Variants in DPY19L4 observed in about 807,000 individuals in gnomAD.
DPY19L4 encodes the protein probable C-mannosyltransferase DPY19L4.
In DPY19L4, 97 loss-of-function variants were observed where a neutral mutation model predicts 102.8. That is an observed-to-expected ratio of 0.94 (90% CI 0.80 to 1.12). DPY19L4 has a LOEUF of 1.12. DPY19L4 is among the 50% of genes most tolerant of loss of function. DPY19L4 has a pLI of 0.00. For synonymous variants in DPY19L4, 252 were observed against 283.1 expected (o/e 0.89, Z 1.10); for missense variants, 815 against 850.4 (o/e 0.96, Z 0.52).
chr8:94,756,659 C>CATTGTT (rs1395503562), intron 7 of DPY19L4, among the ~76,000 whole-genome samples: 1 of 152,152 alleles, frequency 6.6e-6, no homozygotes, highest in African/African-American at 2.4e-5. Context: ...TAGATTCTTA[C>CATTGTT]ATTGTTATTG....
intron 14 of DPY19L4, among the ~76,000 whole-genome samples, chr8:94,779,573 C>T (rs1036262872): frequency 6.6e-5 from 10 of 152,036 alleles, no homozygotes; most frequent in Non-Finnish European, 1.2e-4. Context: ...AAGCAATCCT[C>T]CCACCTTGGC....
At chr8:94,739,854 A>T in intron 6 of DPY19L4, 64 bp downstream of exon 6, 1 of 1,565,710 alleles carries the variant, frequency 6.4e-7, no homozygotes, top group Admixed American at 1.8e-5. Context: ...AGAGTTCTGA[A>T]AATGCCTCCC....
chr8:94,726,774 C>T (rs1407475847), intron 2 of DPY19L4, among the ~76,000 whole-genome samples: 1 of 152,162 alleles, frequency 6.6e-6, no homozygotes, highest in Non-Finnish European at 1.5e-5. Context: ...CACACTATCA[C>T]TTGTACGCAC....
Position 94,768,478 on chromosome 8 carries a change from C to A in DPY19L4, c.1259C>A (p.Ser420Tyr). ...TTTTTTCTGCGATTGACACAGTCTT[C>A]TTTATTACCTTTCTACATTCTAGTG... ...QDFFLRLTQS[S>Y]LLPFYILVLI... Residue 420 changes from serine to tyrosine, a missense_variant, in exon 12 of 19, where the codon TCT becomes TAT. Coordinates refer to ENST00000414645, the MANE Select transcript of DPY19L4 (RefSeq NM_181787.3). 6.3e-7 allele frequency: 1 copy of A among 1,598,630 alleles called. No homozygotes were observed. Among genetic ancestry groups the A allele is most frequent in the Non-Finnish European group, 8.6e-7 (1 of 1,169,060 alleles).
Position 94,768,409 on chromosome 8 carries a change from A to C in DPY19L4, c.1190A>C (p.Asn397Thr), listed in dbSNP as rs1399777947. 6.3e-7 allele frequency: 1 copy of C among 1,596,904 alleles called. No homozygotes were observed. Among genetic ancestry groups the C allele is most frequent in the Non-Finnish European group, 8.5e-7 (1 of 1,175,576 alleles). Reference sequence around the variant, plus strand: ...GTCTTCTATAGGAATTTTACAATGAATTGGCTCCTCTGTCAAGAATCCCTG... The same window carrying C: ...GTCTTCTATAGGAATTTTACAATGACTTGGCTCCTCTGTCAAGAATCCCTG... ...GLNMTKNFTM[N>T]WLLCQESLQA... The change falls in exon 12 of 19, where the codon AAT becomes ACT. Residue 397 changes from asparagine (N) to threonine (T), a missense_variant. Coordinates refer to ENST00000414645, the MANE Select transcript of DPY19L4 (RefSeq NM_181787.3).
intron 14 of DPY19L4, among the ~76,000 whole-genome samples, chr8:94,779,922 G>A (rs10100724): frequency 0.89 from 135,195 of 152,150 alleles, 60,206 homozygotes; most frequent in East Asian, 0.96. Context: ...GAGTTTATAT[G>A]TTCTTATTTT....
chr8:94,779,346 A>G (rs1165386670), intron 14 of DPY19L4, among the ~76,000 whole-genome samples: 1 of 149,638 alleles, frequency 6.7e-6, no homozygotes, highest in Non-Finnish European at 1.5e-5. Flanking sequence ...TTTTTGAGAC[A>G]GAGTCTTACG....
intron 11 of DPY19L4, among the ~76,000 whole-genome samples, chr8:94,768,153 C>T (rs188392687): frequency 1.2e-4 from 19 of 152,194 alleles, no homozygotes; most frequent in Admixed American, 8.5e-4. Flanking sequence ...GAGATGGTCA[C>T]GTTACTTGGT....
chr8:94,757,276 A>G (rs1396768829), intron 7 of DPY19L4, among the ~76,000 whole-genome samples: 1 of 152,206 alleles, frequency 6.6e-6, no homozygotes, highest in African/African-American at 2.4e-5. Flanking sequence ...AAATGTCCTG[A>G]GCATAGCAAA....
intron 7 of DPY19L4, 148 bp from the exon 8 acceptor site, chr8:94,761,552 T>A (rs1366804245): frequency 2.9e-6 from 2 of 690,532 alleles, no homozygotes; most frequent in Non-Finnish European, 4.1e-6. Context: ...GATTTAATAA[T>A]AATTATGTGA....
At chr8:94,739,387 C>A in intron 4 of DPY19L4, 26 bp from the exon 5 acceptor site, 2 of 1,527,650 alleles carry the variant, frequency 1.3e-6, no homozygotes, top group Non-Finnish European at 1.7e-6. Flanking sequence ...AATAAATAAT[C>A]TGGAGAAAAA....
intron 4 of DPY19L4, 72 bp from the exon 5 acceptor site, chr8:94,739,341 T>C: frequency 1.4e-6 from 2 of 1,445,074 alleles, no homozygotes; most frequent in Non-Finnish European, 1.8e-6. Flanking sequence ...ATTAAATATT[T>C]AAGGACTAAT....
chr8:94,745,281 C>T (rs1206153876), intron 6 of DPY19L4, among the ~76,000 whole-genome samples: 1 of 152,066 alleles, frequency 6.6e-6, no homozygotes, highest in East Asian at 1.9e-4. Flanking sequence ...GAAGACTTGC[C>T]ACCAAAATGG....
intron 6 of DPY19L4, among the ~76,000 whole-genome samples, chr8:94,747,656 T>C (rs1334383078): frequency 6.6e-6 from 1 of 151,454 alleles, no homozygotes; most frequent in Non-Finnish European, 1.5e-5. Flanking sequence ...CCTCCCGGGT[T>C]CACGCCATTC....
At chr8:94,786,243 C>T (rs1011293753) in intron 17 of DPY19L4, among the ~76,000 whole-genome samples, 1 of 151,984 alleles carries the variant, frequency 6.6e-6, no homozygotes, top group African/African-American at 2.4e-5. Flanking sequence ...TCTCCTGCCT[C>T]AACCTTCTGA....
At chr8:94,772,102 T>A (rs892514647) in intron 13 of DPY19L4, among the ~76,000 whole-genome samples, 2 of 152,214 alleles carry the variant, frequency 1.3e-5, no homozygotes, top group Non-Finnish European at 2.9e-5. Context: ...ACTTCCCTTG[T>A]TCCTGCTTCT....
chr8:94,747,684 G>A (rs947478931), intron 6 of DPY19L4, among the ~76,000 whole-genome samples: 12 of 150,492 alleles, frequency 8.0e-5, no homozygotes, highest in Admixed American at 1.3e-4. Context: ...TCAGCTTCCC[G>A]AGTAGCTAGG....
chr8:94,779,142 T>G (rs1169888941), intron 14 of DPY19L4, among the ~76,000 whole-genome samples: 1 of 152,014 alleles, frequency 6.6e-6, no homozygotes, highest in Non-Finnish European at 1.5e-5. Context: ...TTCAATTTAT[T>G]GAATGTTCAC....
At chr8:94,723,537 C>T (rs1810564217) in intron 1 of DPY19L4, among the ~76,000 whole-genome samples, 1 of 151,672 alleles carries the variant, frequency 6.6e-6, no homozygotes, top group South Asian at 2.1e-4. Flanking sequence ...CCTGTCAGAA[C>T]TGATAATCTC....
Sources: gnomAD v4.1 joint callset for allele counts (sites outside exome capture counted in the v4.1 genomes callset) on GRCh38, gnomAD v4.1.1 for gene constraint, MANE v1.5 for transcripts, NCBI Gene and HGNC (gene_info 2026-07-23, HGNC 2026-07-21) for gene names.